The following ZFHX3 variants were observed in gnomAD, a reference collection of about 807,000 sequenced individuals.
ZFHX3 encodes the protein zinc finger homeobox protein 3.
In ZFHX3, 42 loss-of-function variants were observed where a neutral mutation model predicts 279.1. That is an observed-to-expected ratio of 0.15 (90% CI 0.12 to 0.19). The LOEUF is 0.19. Ranked by LOEUF, ZFHX3 falls within the 10% of genes least tolerant of loss-of-function variation. The pLI, the probability that ZFHX3 is intolerant of heterozygous loss-of-function variation, is 1.00. For synonymous variants in ZFHX3, 2,293 were observed against 1,957.8 expected (o/e 1.17, Z -4.52); for missense variants, 4,981 against 4,754.0 (o/e 1.05, Z -1.40).
At chr16:73,869,551 G>A (rs1297049277) in intron 1 of ZFHX3, among the ~76,000 whole-genome samples, 1 of 152,212 alleles carries the variant, frequency 6.6e-6, no homozygotes. Context: ...GAAAACGCAG[G>A]ATATACATAC....
chr16:73,761,821 C>T (rs1232989815), intron 1 of ZFHX3, among the ~76,000 whole-genome samples: 1 of 152,038 alleles, frequency 6.6e-6, no homozygotes, highest in Non-Finnish European at 1.5e-5. Context: ...ATGCCTTGTA[C>T]AAAAATTAAC....
chr16:72,931,647 A>C (rs765553554), intron 3 of ZFHX3, among the ~76,000 whole-genome samples: 2 of 152,064 alleles, frequency 1.3e-5, no homozygotes, highest in Non-Finnish European at 2.9e-5. Context: ...GTTGCCATGG[A>C]AACAGTTTTG....
chr16:73,589,759 A>G (rs2037198723), intron 2 of ZFHX3, among the ~76,000 whole-genome samples: 1 of 139,756 alleles, frequency 7.2e-6, no homozygotes, highest in African/African-American at 3.0e-5. Flanking sequence ...AAAAAAAAAA[A>G]AAAAAAAAAA....
At chr16:73,490,921 T>C (rs2019047702) in intron 2 of ZFHX3, among the ~76,000 whole-genome samples, 1 of 152,246 alleles carries the variant, frequency 6.6e-6, no homozygotes, top group South Asian at 2.1e-4. Flanking sequence ...TTTCTTTGAA[T>C]GAATATATAA....
At chr16:73,318,804 T>G (rs964839860) in intron 3 of ZFHX3, among the ~76,000 whole-genome samples, 2 of 152,214 alleles carry the variant, frequency 1.3e-5, no homozygotes, top group Non-Finnish European at 2.9e-5. Context: ...GTTTCAGCAA[T>G]GGATTGCATA....
intron 1 of ZFHX3, among the ~76,000 whole-genome samples, chr16:73,857,473 C>G (rs2096200266): frequency 6.6e-6 from 1 of 152,166 alleles, no homozygotes; most frequent in African/African-American, 2.4e-5. Context: ...CAATCAAAGA[C>G]TACAGTTTCC....
chr16:73,459,939 T>C (rs1309865970), intron 2 of ZFHX3, among the ~76,000 whole-genome samples: 1 of 152,156 alleles, frequency 6.6e-6, no homozygotes, highest in East Asian at 1.9e-4. Context: ...ATTATGGGGA[T>C]TACAATTCAA....
intron 8 of ZFHX3, chr16:73,081,592 A>G (rs960801576): frequency 1.3e-5 from 2 of 152,090 alleles, no homozygotes; most frequent in African/African-American, 2.4e-5. Flanking sequence ...CAAATGCCTC[A>G]CTAAAGCCCA....
At chr16:73,419,382 C>T (rs992731498) in intron 3 of ZFHX3, among the ~76,000 whole-genome samples, 1 of 152,100 alleles carries the variant, frequency 6.6e-6, no homozygotes, top group Admixed American at 6.5e-5. Context: ...ACTTTAAAAC[C>T]TTTGCTATTT....
In ZFHX3 at chr16:73,845,547, G is replaced by GA. The variant is rs997441880; in HGVS notation, c.-1608+46103dup. On this transcript the variant is annotated intron_variant, in intron 1 of 17. Coordinates refer to the ZFHX3 transcript ENST00000641206. ...AAACATCATCCATCTTCATTTTTTA[G>GA]AAAAAAAAAAAGCAGCTTTAGAAAA... Among the ~76,000 whole-genome samples, 90 of 142,710 alleles carry GA rather than the reference G, an allele frequency of 6.3e-4. 1 individual carries two copies. Among genetic ancestry groups the GA allele is most frequent in the South Asian group, 6.7e-4 (3 of 4,466 alleles). The allele number at this position is 142,710 out of a possible 152,430, so 93.6% of individuals were successfully genotyped here.
intron 2 of ZFHX3, among the ~76,000 whole-genome samples, chr16:73,602,776 C>T (rs1002230815): frequency 6.7e-6 from 1 of 149,936 alleles, no homozygotes; most frequent in Non-Finnish European, 1.5e-5. Context: ...GAAACCCCAT[C>T]TCTACTAAAA....
intron 5 of ZFHX3, among the ~76,000 whole-genome samples, chr16:72,818,324 C>G (rs1156861633): frequency 2.6e-5 from 4 of 152,184 alleles, no homozygotes; most frequent in Non-Finnish European, 5.9e-5. Context: ...ATTTTGTGAT[C>G]TGACTTTCAT....
chr16:72,970,070 C>T (rs1275790397), intron 1 of ZFHX3, among the ~76,000 whole-genome samples: 2 of 152,212 alleles, frequency 1.3e-5, no homozygotes, highest in African/African-American at 2.4e-5. Flanking sequence ...AAACTGCTAG[C>T]TCAGCCCATT....
chr16:73,703,329 G>A (rs1339016401), intron 1 of ZFHX3, among the ~76,000 whole-genome samples: 1 of 152,002 alleles, frequency 6.6e-6, no homozygotes, highest in African/African-American at 2.4e-5. Flanking sequence ...TCCCTAGGCA[G>A]GGACATCCAT....
intron 1 of ZFHX3, among the ~76,000 whole-genome samples, chr16:73,042,968 C>G (rs1284098717): frequency 1.3e-5 from 2 of 151,906 alleles, no homozygotes; most frequent in Non-Finnish European, 2.9e-5. Context: ...GAGAGGCATC[C>G]CAGCACCGGC....
intron 1 of ZFHX3, among the ~76,000 whole-genome samples, chr16:73,859,186 G>C (rs1195459759): frequency 6.6e-6 from 1 of 152,150 alleles, no homozygotes; most frequent in Non-Finnish European, 1.5e-5. Flanking sequence ...CCCCAGTTGA[G>C]TAAATATAAG....
chr16:72,958,388 C>A lies in ZFHX3; in HGVS notation c.1758G>T (p.Arg586Ser). 6.2e-7 allele frequency: 1 copy of A among 1,614,202 alleles called. No homozygotes were observed. The highest frequency in any genetic ancestry group is 1.7e-5 in the Admixed American group (1 of 60,032). Reference sequence around the variant, plus strand: ...CACTTTCGTCAGCGAAGTCCAGCCTCCTGCCGCCCTCTGCCACATTGGCCC... The same window carrying A: ...CACTTTCGTCAGCGAAGTCCAGCCTACTGCCGCCCTCTGCCACATTGGCCC... ...GVRANVAEGG[R>S]RLDFADESAN... Residue 586 changes from arginine to serine, a missense_variant, in exon 2 of 10, where the codon AGG (arginine) becomes AGT (serine). By Grantham distance (110) the Arg-to-Ser change is moderately radical. Coordinates refer to ENST00000268489, the MANE Select transcript of ZFHX3 (RefSeq NM_006885.4).
At chr16:72,935,650 C>T (rs1256656191) in intron 3 of ZFHX3, among the ~76,000 whole-genome samples, 1 of 151,410 alleles carries the variant, frequency 6.6e-6, no homozygotes, top group African/African-American at 2.4e-5. Context: ...CTGAGAATCG[C>T]TTGAACTCGG....
At chr16:72,951,085 C>A in intron 2 of ZFHX3, 120 bp from the exon 3 acceptor site, 1 of 1,402,718 alleles carries the variant, frequency 7.1e-7, no homozygotes. Flanking sequence ...GATGACATTT[C>A]AAGTGTTGCA....
Sources: allele counts gnomAD v4.1 joint callset (sites outside exome capture counted in the v4.1 genomes callset), GRCh38; gene constraint gnomAD v4.1.1; transcripts MANE v1.5; gene names NCBI Gene and HGNC (gene_info 2026-07-23, HGNC 2026-07-21).